LNPEP: variants seen among roughly 807,000 people sequenced by gnomAD.
LNPEP encodes the protein leucyl-cystinyl aminopeptidase.
LNPEP carries 64 observed loss-of-function variants against 120.6 expected under a neutral mutation model. The observed-to-expected ratio is 0.53, with a 90% CI of 0.43 to 0.65. The LOEUF (loss-of-function observed/expected upper bound fraction) is 0.65, where lower values mean the gene tolerates loss of function less well. Ranked by LOEUF, LNPEP falls within the 30% of genes least tolerant of loss-of-function variation. The pLI is 0.00. For synonymous variants in LNPEP, 435 were observed against 425.4 expected (o/e 1.02, Z -0.28); for missense variants, 1,057 against 1,200.0 (o/e 0.88, Z 1.76).
intron 1 of LNPEP, among the ~76,000 whole-genome samples, chr5:96,975,006 C>T (rs1370029061): frequency 1.3e-5 from 2 of 152,044 alleles, no homozygotes; most frequent in Non-Finnish European, 2.9e-5. Flanking sequence ...ACAGGTGATT[C>T]GGAAACCTGA....
chr5:96,954,559 T>C (rs920840201), intron 1 of LNPEP, among the ~76,000 whole-genome samples: 2 of 149,922 alleles, frequency 1.3e-5, no homozygotes, highest in African/African-American at 2.5e-5. Flanking sequence ...ATCAGAGTGC[T>C]GAAGTGTTGC....
rs1024706245 is a variant in LNPEP at position 97,034,661 on chromosome 5, T to C, written c.*6128T>C. ...CTACAGGGCTTGGGTTTTGGTTTTTTGCTTTTGAGGGTTTTAATGAGGAGT... is the reference window on the plus strand; with the variant it reads ...CTACAGGGCTTGGGTTTTGGTTTTTCGCTTTTGAGGGTTTTAATGAGGAGT... On this transcript the variant is annotated 3_prime_UTR_variant, in exon 18 of 18. Transcript: ENST00000231368. 3 of 152,106 alleles carry C rather than the reference T, an allele frequency of 2.0e-5. No individual in the cohort carries two copies. The highest frequency in any genetic ancestry group is 7.2e-5 in the African/African-American group (3 of 41,434). The allele number at this position is 152,106 out of a possible 1,614,324, so 9.4% of individuals were successfully genotyped here.
At chr5:97,024,448 C>T (rs1479493563) in intron 14 of LNPEP, 73 bp from the exon 15 acceptor site, 3 of 1,417,512 alleles carry the variant, frequency 2.1e-6, no homozygotes, top group East Asian at 4.6e-5. Context: ...AGAAACTCCA[C>T]CACAGCCAAC....
At chr5:97,007,872 A>G (rs1426284796) in intron 11 of LNPEP, among the ~76,000 whole-genome samples, 3 of 152,240 alleles carry the variant, frequency 2.0e-5, no homozygotes, top group Non-Finnish European at 4.4e-5. Flanking sequence ...TTTGGTACAT[A>G]TAACCAAATC....
intron 6 of LNPEP, among the ~76,000 whole-genome samples, chr5:96,995,697 T>A (rs1024115782): frequency 1.3e-5 from 2 of 152,104 alleles, no homozygotes; most frequent in African/African-American, 2.4e-5. Flanking sequence ...CCTGGCTTAA[T>A]TTTTTTGTAG....
At chr5:97,025,426 C>A (rs943081717) in intron 15 of LNPEP, among the ~76,000 whole-genome samples, 1 of 152,188 alleles carries the variant, frequency 6.6e-6, no homozygotes, top group Non-Finnish European at 1.5e-5. Context: ...TAGTCATTTT[C>A]TTTAAAGTAT....
At chr5:96,996,579 T>C in intron 7 of LNPEP, 76 bp downstream of exon 7, 1 of 798,478 alleles carries the variant, frequency 1.3e-6, no homozygotes, top group Non-Finnish European at 2.2e-6. Context: ...ATGTATTTTC[T>C]GTGCATCTGG....
At chr5:96,973,408 G>T (rs1023703304) in intron 1 of LNPEP, among the ~76,000 whole-genome samples, 1 of 151,796 alleles carries the variant, frequency 6.6e-6, no homozygotes, top group Admixed American at 6.6e-5. Context: ...ATGATACTTA[G>T]TCATCACTTT....
intron 1 of LNPEP, among the ~76,000 whole-genome samples, chr5:96,953,354 G>A (rs533031380): frequency 6.6e-6 from 1 of 152,306 alleles, no homozygotes; most frequent in South Asian, 2.1e-4. Flanking sequence ...ATCACAAAAT[G>A]GTTGGAGTCT....
intron 1 of LNPEP, among the ~76,000 whole-genome samples, chr5:96,953,169 T>G (rs749845897): frequency 9.9e-5 from 15 of 152,238 alleles, no homozygotes; most frequent in Non-Finnish European, 1.8e-4. Context: ...CTTGCTATAA[T>G]GTAATTTCCA....
At chr5:97,004,548 T>C (rs6861423) in intron 9 of LNPEP, among the ~76,000 whole-genome samples, 2,111 of 152,064 alleles carry the variant, frequency 0.014, 51 homozygotes, top group African/African-American at 0.048. Flanking sequence ...CACAGACTTA[T>C]TTGGAAATTT....
At chr5:96,943,376 T>G in intron 1 of LNPEP, among the ~76,000 whole-genome samples, 1 of 152,184 alleles carries the variant, frequency 6.6e-6, no homozygotes, top group East Asian at 1.9e-4. Context: ...AGCCTTGACT[T>G]CTCAGGCTCA....
At chr5:97,003,380 T>G (rs1790700329) in intron 8 of LNPEP, 35 bp from the exon 9 acceptor site, 1 of 1,222,580 alleles carries the variant, frequency 8.2e-7, no homozygotes, top group Non-Finnish European at 1.1e-6. Context: ...TATTCTATTA[T>G]TTTCTTTCTT....
intron 15 of LNPEP, among the ~76,000 whole-genome samples, chr5:97,025,121 G>A (rs1219788182): frequency 3.9e-5 from 6 of 152,236 alleles, no homozygotes; most frequent in Admixed American, 3.3e-4. Context: ...TTTTTAATAT[G>A]TAGTGATGAA....
chr5:96,956,228 A>G (rs1213517333), intron 1 of LNPEP, among the ~76,000 whole-genome samples: 10 of 152,258 alleles, frequency 6.6e-5, no homozygotes. Flanking sequence ...ACACAAATGT[A>G]TCTAATAGTT....
chr5:96,976,381 G>A (rs1172375249), intron 1 of LNPEP, among the ~76,000 whole-genome samples: 2 of 152,132 alleles, frequency 1.3e-5, no homozygotes, highest in Non-Finnish European at 2.9e-5. Context: ...AAGTTATTTG[G>A]ATTTAGGCAG....
chr5:96,961,165 A>G (rs1329377652), intron 1 of LNPEP, among the ~76,000 whole-genome samples: 1 of 152,118 alleles, frequency 6.6e-6, no homozygotes, highest in Admixed American at 6.5e-5. Context: ...TTTGAAAAGG[A>G]TTCACCTTTC....
chr5:96,980,049 C>A, intron 2 of LNPEP, 71 bp downstream of exon 2: 1 of 1,367,910 alleles, frequency 7.3e-7, no homozygotes, highest in Non-Finnish European at 9.9e-7. Flanking sequence ...CCTTTGTCCA[C>A]ACCAGAGACA....
chr5:96,944,849 G>C (rs1227446985), intron 1 of LNPEP, among the ~76,000 whole-genome samples: 1 of 151,986 alleles, frequency 6.6e-6, no homozygotes, highest in African/African-American at 2.4e-5. Flanking sequence ...GGGATTACAG[G>C]CATGAGCCAC....
Sources: gnomAD v4.1 joint callset for allele counts (sites outside exome capture counted in the v4.1 genomes callset) on GRCh38, gnomAD v4.1.1 for gene constraint, MANE v1.5 for transcripts, NCBI Gene and HGNC (gene_info 2026-07-23, HGNC 2026-07-21) for gene names.